PDS5A: variants seen among roughly 807,000 people sequenced by gnomAD.
PDS5A encodes PDS5 cohesin associated factor A.
Under a neutral mutation model 167.1 loss-of-function variants are expected in PDS5A, and 42 were observed. The ratio of observed to expected loss-of-function variants is 0.25; its 90% CI spans 0.20 to 0.33. PDS5A has a LOEUF of 0.33. Ranked by LOEUF, PDS5A falls within the 10% of genes least tolerant of loss-of-function variation. The pLI, the probability that PDS5A is intolerant of heterozygous loss-of-function variation, is 1.00. For missense variants in PDS5A, 1,033 were observed against 1,605.9 expected, an observed-to-expected ratio of 0.64 and a Z score of 6.10; for synonymous variants, 553 against 554.6, an observed-to-expected ratio of 1.00 and a Z score of 0.04.
At chr4:39,850,341 T>G (rs1718021150) in intron 26 of PDS5A, among the ~76,000 whole-genome samples, 1 of 150,274 alleles carries the variant, frequency 6.7e-6, no homozygotes, top group Admixed American at 6.6e-5. Context: ...AATACAAAAA[T>G]TAGCTGGGCA....
intron 23 of PDS5A, among the ~76,000 whole-genome samples, chr4:39,865,339 C>T (rs1719340335): frequency 6.6e-6 from 1 of 152,108 alleles, no homozygotes; most frequent in African/African-American, 2.4e-5. Context: ...CAATTTAAAG[C>T]TTTCATTATC....
chr4:39,953,177 ACTTCTACCT>A (rs1267051050), intron 2 of PDS5A, among the ~76,000 whole-genome samples: 1 of 152,198 alleles, frequency 6.6e-6, no homozygotes, highest in Non-Finnish European at 1.5e-5. Context: ...GTCTTGGAAT[ACTTCTACCT>A]TAGGACACAA....
intron 9 of PDS5A, 25 bp from the exon 10 acceptor site, chr4:39,910,363 A>G: frequency 8.6e-7 from 1 of 1,165,348 alleles, no homozygotes; most frequent in East Asian, 2.4e-5. Context: ...ATTGCTAAAC[A>G]TTAATTGTAA....
intron 32 of PDS5A, among the ~76,000 whole-genome samples, chr4:39,833,010 T>TAATA (rs150009872): frequency 0.041 from 6,076 of 148,440 alleles, 398 homozygotes; most frequent in African/African-American, 0.14. Context: ...AAGAAAAAAA[T>TAATA]AATAAATAAA....
At chr4:39,836,222 GA>G (rs1366088538) in intron 32 of PDS5A, among the ~76,000 whole-genome samples, 1 of 152,142 alleles carries the variant, frequency 6.6e-6, no homozygotes, top group Non-Finnish European at 1.5e-5. Context: ...GGTTTGAGAA[GA>G]AAGTCATGTA....
chr4:39,832,365 C>T (rs1715982149), intron 32 of PDS5A, among the ~76,000 whole-genome samples: 1 of 151,744 alleles, frequency 6.6e-6, no homozygotes, highest in African/African-American at 2.4e-5. Flanking sequence ...AGATGCCTGC[C>T]ACCACGCCTG....
At chr4:39,925,034 C>A (rs1725324093) in intron 5 of PDS5A, among the ~76,000 whole-genome samples, 2 of 152,144 alleles carry the variant, frequency 1.3e-5, no homozygotes, top group African/African-American at 4.8e-5. Context: ...ACTGCTTGAA[C>A]CCGGGAGGTG....
In PDS5A at chr4:39,908,584, A is replaced by C. The variant is rs768250052; in HGVS notation, c.1088-44T>G. On this transcript the variant is annotated intron_variant, in intron 10 of 32. Coordinates refer to ENST00000303538, the MANE Select transcript of PDS5A (RefSeq NM_001100399.2). Reference sequence around the variant, plus strand: ...AACTTAGGCTAAATGTTAGCTATGTAATTTGTCATGATTTAGAATGGCAAG... The same window carrying C: ...AACTTAGGCTAAATGTTAGCTATGTCATTTGTCATGATTTAGAATGGCAAG... 3 of 1,239,912 alleles carry C rather than the reference A, an allele frequency of 2.4e-6. No individual in the cohort carries two copies. In the African/African-American group the frequency reaches 4.5e-5, roughly 19 times the overall value. 76.8% of individuals were successfully genotyped at this position (1,239,912 alleles called of 1,614,324 possible). A position where few individuals can be genotyped will look rare whatever the true frequency, so the allele number is the denominator to read the frequency against.
intron 26 of PDS5A, among the ~76,000 whole-genome samples, chr4:39,857,834 C>A (rs1718661942): frequency 1.3e-5 from 2 of 151,952 alleles, no homozygotes; most frequent in African/African-American, 2.4e-5. Context: ...TTTCTTTTTT[C>A]TTTTTAATTT....
intron 2 of PDS5A, among the ~76,000 whole-genome samples, chr4:39,956,819 C>G (rs963882633): frequency 6.6e-6 from 1 of 151,894 alleles, no homozygotes; most frequent in African/African-American, 2.4e-5. Flanking sequence ...ACTATAGGCG[C>G]CTGCACCACA....
rs1361588804 is a variant in PDS5A, at chr4:39,844,719, G to C, written c.3485C>G (p.Thr1162Ser). The change falls in exon 30 of 33, where the codon ACT becomes AGT. Residue 1162 changes from threonine (T) to serine (S), a missense_variant. Physicochemically the swap from Thr to Ser is moderately conservative, Grantham distance 58 (BLOSUM62 1). Around this residue, in one of 4 missense-constraint regions of PDS5A, gnomAD observed 233 missense variants for 264.0 expected, o/e 0.88. Coordinates refer to ENST00000303538, the MANE Select transcript of PDS5A (RefSeq NM_001100399.2). ...GRKPYVRSTGTETGSNINVNS... is the reference protein window; with the variant it reads ...GRKPYVRSTGSETGSNINVNS... ...TACATTAATATTGCTTCCAGTCTCA[G>C]TGCCAGTGCTTCTAACATAGGGTTT... 1.2e-6 allele frequency: 2 copies of C among 1,613,558 alleles called. No homozygotes were observed. Among genetic ancestry groups the C allele is most frequent in the South Asian group, 1.1e-5 (1 of 91,070 alleles).
intron 2 of PDS5A, among the ~76,000 whole-genome samples, chr4:39,938,999 C>A (rs1228285645): frequency 6.6e-6 from 1 of 151,368 alleles, no homozygotes; most frequent in African/African-American, 2.4e-5. Flanking sequence ...AAAACTCAAA[C>A]ATAACACTGA....
intron 2 of PDS5A, chr4:39,973,868 G>A (rs1730811235): frequency 2.5e-6 from 2 of 811,194 alleles, no homozygotes; most frequent in Non-Finnish European, 4.3e-6. Context: ...GCTCACGCCT[G>A]TAATCCCAGC....
intron 2 of PDS5A, among the ~76,000 whole-genome samples, chr4:39,935,705 T>C (rs1425592038): frequency 6.6e-6 from 1 of 152,180 alleles, no homozygotes; most frequent in Non-Finnish European, 1.5e-5. Flanking sequence ...AGGTAGTATG[T>C]GAATCATCCA....
chr4:39,854,751 C>A (rs1219438394), intron 26 of PDS5A, among the ~76,000 whole-genome samples: 1 of 152,104 alleles, frequency 6.6e-6, no homozygotes, highest in African/African-American at 2.4e-5. Context: ...TACATAACCT[C>A]ACAACCCAAG....
At chr4:39,844,091 G>A (rs1383533062) in intron 30 of PDS5A, among the ~76,000 whole-genome samples, 2 of 151,956 alleles carry the variant, frequency 1.3e-5, no homozygotes, top group Non-Finnish European at 2.9e-5. Flanking sequence ...CTGAGGCTGC[G>A]GTGAGCTATG....
chr4:39,878,006 C>T (rs985817337), intron 18 of PDS5A, among the ~76,000 whole-genome samples: 2 of 152,134 alleles, frequency 1.3e-5, no homozygotes, highest in Non-Finnish European at 2.9e-5. Flanking sequence ...TATTATAACA[C>T]CAGCACGAGC....
intron 2 of PDS5A, among the ~76,000 whole-genome samples, chr4:39,975,065 C>T (rs940102165): frequency 2.0e-5 from 3 of 146,570 alleles, no homozygotes; most frequent in African/African-American, 7.7e-5. Context: ...CCGAGACGCG[C>T]CACTGCACTC....
chr4:39,879,251 A>C (rs1297026812), intron 18 of PDS5A, among the ~76,000 whole-genome samples: 1 of 151,870 alleles, frequency 6.6e-6, no homozygotes, highest in Non-Finnish European at 1.5e-5. Context: ...CCGTGACACT[A>C]CCTTTCTTAC....
Sources: gnomAD v4.1 joint callset for allele counts (sites outside exome capture counted in the v4.1 genomes callset) on GRCh38, gnomAD v4.1.1 for gene constraint, gnomAD v4.1.1 regional missense constraint, MANE v1.5 for transcripts, NCBI Gene and HGNC (gene_info 2026-07-23, HGNC 2026-07-21) for gene names.